PRIM2: variants seen among roughly 807,000 people sequenced by gnomAD.
The protein encoded by PRIM2 is DNA primase subunit 2, also known as DNA primase large subunit.
In PRIM2, 39 loss-of-function variants were observed where a neutral mutation model predicts 67.3. The observed-to-expected ratio is 0.58, with a 90% CI of 0.45 to 0.76. PRIM2 has a LOEUF of 0.76. Among genes scored for constraint, PRIM2 ranks in the 30% least tolerant of loss-of-function variants. The pLI, the probability that PRIM2 is intolerant of heterozygous loss-of-function variation, is 0.00. For synonymous variants in PRIM2, 143 were observed against 198.7 expected, an observed-to-expected ratio of 0.72 and a Z score of 2.36; for missense variants, 398 against 598.7, an observed-to-expected ratio of 0.66 and a Z score of 3.50.
chr6:57,617,297 C>CAT (rs1776772875), intron 12 of PRIM2, among the ~76,000 whole-genome samples: 9 of 152,102 alleles, frequency 5.9e-5, no homozygotes, highest in Admixed American at 5.9e-4. Flanking sequence ...AGGAGGACAC[C>CAT]AGTAATATTG....
At chr6:57,316,208 C>T (rs1767478520), upstream of PRIM2, among the ~76,000 whole-genome samples, 1 of 152,106 alleles carries the variant, frequency 6.6e-6, no homozygotes, top group African/African-American at 2.4e-5. Flanking sequence ...GGGCGGATCA[C>T]GAGGTCAGGA....
At chr6:57,304,286 GC>G in the PRIM2 span, among the ~76,000 whole-genome samples, 4 of 152,158 alleles carry the variant, frequency 2.6e-5, no homozygotes, top group Non-Finnish European at 5.9e-5. Flanking sequence ...TCAATTGGTT[GC>G]AGAAATCCTG....
intron 10 of PRIM2, among the ~76,000 whole-genome samples, chr6:57,561,601 C>T (rs1775631627): frequency 6.6e-6 from 1 of 152,216 alleles, no homozygotes; most frequent in South Asian, 2.1e-4. Context: ...AAGAGAGTTA[C>T]AGCCTTCCTC....
upstream of PRIM2, among the ~76,000 whole-genome samples, chr6:57,311,442 C>T (rs1038764408): frequency 2.0e-5 from 3 of 146,808 alleles, no homozygotes; most frequent in Non-Finnish European, 4.5e-5. Context: ...GGCAGCCGGG[C>T]AGAGGTGCTC....
At chr6:57,530,897 T>C (rs1774875036) in intron 8 of PRIM2, among the ~76,000 whole-genome samples, 2 of 151,870 alleles carry the variant, frequency 1.3e-5, no homozygotes, top group Non-Finnish European at 2.9e-5. Context: ...GAGACAAGGT[T>C]TTGTCATGTT....
At chr6:57,487,772 G>A (rs1379592911) in intron 7 of PRIM2, among the ~76,000 whole-genome samples, 1 of 152,168 alleles carries the variant, frequency 6.6e-6, no homozygotes, top group Non-Finnish European at 1.5e-5. Context: ...TTAATTCTGA[G>A]TGAAGCTCAG....
chr6:57,239,078 C>T, the PRIM2 span, among the ~76,000 whole-genome samples: 1 of 152,168 alleles, frequency 6.6e-6, no homozygotes, highest in East Asian at 1.9e-4. Context: ...GCAACTTCTG[C>T]CTCCTGAGTT....
At chr6:57,415,890 C>A (rs1245693494) in intron 7 of PRIM2, among the ~76,000 whole-genome samples, 1 of 152,174 alleles carries the variant, frequency 6.6e-6, no homozygotes, top group Non-Finnish European at 1.5e-5. Context: ...ACTTCTAATT[C>A]GAGTTCTCTT....
At position 57,554,893 on chromosome 6, in the gene PRIM2, T is replaced by C. The variant is rs1484378123; in HGVS notation, c.1020+17268T>C. Among the ~76,000 whole-genome samples the C allele has an allele frequency of 2.6e-5, 4 of 152,344 alleles. No individual in the cohort carries two copies. In the East Asian group the frequency reaches 7.7e-4, roughly 29 times the overall value. On this transcript the variant is annotated intron_variant, in intron 10 of 13. Coordinates refer to ENST00000615550, the MANE Select transcript of PRIM2 (RefSeq NM_000947.5). ...CTTTCAGGGAACCCTTCCAGCCAGA[T>C]CATTTGCTTTTCTGACTGTTGAGTA...
intron 5 of PRIM2, among the ~76,000 whole-genome samples, chr6:57,327,148 C>T (rs187027861): frequency 1.2e-4 from 18 of 152,016 alleles, no homozygotes; most frequent in Admixed American, 2.6e-4. Context: ...GTGATACACC[C>T]GCCTCGGCCT....
At chr6:57,318,369 G>C in intron 1 of PRIM2, 68 bp from the exon 2 acceptor site, 2 of 1,432,162 alleles carry the variant, frequency 1.4e-6, no homozygotes, top group South Asian at 2.7e-5. Context: ...ATTTTTTCGT[G>C]TTTTTTCTTT....
chr6:57,633,526 A>G (rs1198748636), intron 13 of PRIM2, among the ~76,000 whole-genome samples: 12 of 152,182 alleles, frequency 7.9e-5, no homozygotes, highest in African/African-American at 2.9e-4. Flanking sequence ...ATCTCATAGG[A>G]AAAAGATATT....
chr6:57,222,177 T>C, the PRIM2 span: 1 of 152,246 alleles, frequency 6.6e-6, no homozygotes, highest in Non-Finnish European at 1.5e-5. Flanking sequence ...TAAGAATGAT[T>C]ATGATTTTTA....
chr6:57,336,778 A>C (rs1447348692), intron 5 of PRIM2, among the ~76,000 whole-genome samples: 1 of 152,240 alleles, frequency 6.6e-6, no homozygotes, highest in Non-Finnish European at 1.5e-5. Context: ...AAGACCATTG[A>C]AATTAGGAAG....
chr6:57,524,319 G>A (rs1489244333), intron 8 of PRIM2, among the ~76,000 whole-genome samples: 1 of 152,306 alleles, frequency 6.6e-6, no homozygotes, highest in Non-Finnish European at 1.5e-5. Context: ...TGTTTAATGA[G>A]CGAGATAATA....
intron 7 of PRIM2, among the ~76,000 whole-genome samples, chr6:57,416,972 CTTTTTTTTTT>C (rs377078433): frequency 2.1e-5 from 3 of 144,378 alleles, no homozygotes; most frequent in Non-Finnish European, 3.0e-5. Flanking sequence ...TTCTTTTTTT[CTTTTTTTTTT>C]TTGAGACAGA....
chr6:57,586,398 C>T (rs1404678462), intron 10 of PRIM2, among the ~76,000 whole-genome samples: 2 of 151,988 alleles, frequency 1.3e-5, no homozygotes, highest in Non-Finnish European at 2.9e-5. Flanking sequence ...GGGACATTTC[C>T]ATTCGTATGA....
intron 10 of PRIM2, among the ~76,000 whole-genome samples, chr6:57,574,409 G>C (rs1775925619): frequency 6.6e-6 from 1 of 151,948 alleles, no homozygotes; most frequent in Non-Finnish European, 1.5e-5. Flanking sequence ...TTCCTTGCTT[G>C]TTTGTGTGTG....
At chr6:57,223,245 C>T in the PRIM2 span, among the ~76,000 whole-genome samples, 9 of 152,110 alleles carry the variant, frequency 5.9e-5, no homozygotes, top group Non-Finnish European at 1.3e-4. Context: ...AACAGAAGAA[C>T]TAAGAGGCTC....
Sources: gnomAD v4.1 joint callset for allele counts (sites outside exome capture counted in the v4.1 genomes callset) on GRCh38, gnomAD v4.1.1 for gene constraint, MANE v1.5 for transcripts, NCBI Gene and HGNC (gene_info 2026-07-23, HGNC 2026-07-21) for gene names.